The following PRKAR1A variants were observed in gnomAD, a reference collection of about 807,000 sequenced individuals.
PRKAR1A encodes cAMP-dependent protein kinase type I-alpha regulatory subunit.
Under a neutral mutation model 52.0 loss-of-function variants are expected in PRKAR1A, and 3 were observed. The observed-to-expected ratio is 0.06, with a 90% confidence interval of 0.03 to 0.15. The LOEUF is 0.15. Among genes scored for constraint, PRKAR1A ranks in the 10% least tolerant of loss-of-function variants. PRKAR1A has a pLI of 1.00. For missense variants in PRKAR1A, 240 were observed against 477.4 expected (o/e 0.50, Z 4.63); for synonymous variants, 188 against 168.4 (o/e 1.12, Z -0.90).
chr17:68,418,577 G>C, the PRKAR1A span, among the ~76,000 whole-genome samples: 1 of 152,226 alleles, frequency 6.6e-6, no homozygotes, highest in African/African-American at 2.4e-5. Context: ...TTTCTGGCCA[G>C]ATTGGACCAG....
At chr17:68,483,972 C>A in the PRKAR1A span, among the ~76,000 whole-genome samples, 88 of 152,204 alleles carry the variant, frequency 5.8e-4, no homozygotes, top group Middle Eastern at 6.8e-3. Flanking sequence ...TATGCCAATA[C>A]CATGTTGTTT....
intron 11 of PRKAR1A, chr17:68,541,089 A>G: frequency 7.1e-7 from 1 of 1,416,428 alleles, no homozygotes; most frequent in Non-Finnish European, 9.6e-7. Flanking sequence ...CAGCTTCTAA[A>G]ATTCAGAAAG....
At chr17:68,430,162 T>A in the PRKAR1A span, 1 of 1,611,286 alleles carries the variant, frequency 6.2e-7, no homozygotes, top group Non-Finnish European at 8.5e-7. Context: ...TCTGGTCGAC[T>A]AGGGAGTAAT....
the PRKAR1A span, among the ~76,000 whole-genome samples, chr17:68,495,684 A>G: frequency 6.6e-5 from 10 of 152,164 alleles, no homozygotes; most frequent in South Asian, 4.1e-4. Flanking sequence ...TATTTCTTCT[A>G]CTTATCTGTG....
the PRKAR1A span, among the ~76,000 whole-genome samples, chr17:68,490,963 G>A: frequency 6.6e-6 from 1 of 152,106 alleles, no homozygotes; most frequent in Non-Finnish European, 1.5e-5. Context: ...ATGGTAATCT[G>A]TTAGCCTGGG....
At chr17:68,453,840 C>T in the PRKAR1A span, among the ~76,000 whole-genome samples, 1 of 152,164 alleles carries the variant, frequency 6.6e-6, no homozygotes, top group Non-Finnish European at 1.5e-5. Flanking sequence ...TGCTTCCTTT[C>T]ATCAGTTTCC....
chr17:68,541,981 T>C (rs1298569805), intron 11 of PRKAR1A: 3 of 1,612,622 alleles, frequency 1.9e-6, no homozygotes, highest in Non-Finnish European at 1.7e-6. Flanking sequence ...GGGGACCAAC[T>C]CACTCCTCTT....
chr17:68,461,737 CA>C, the PRKAR1A span, among the ~76,000 whole-genome samples: 1 of 152,094 alleles, frequency 6.6e-6, no homozygotes, highest in East Asian at 1.9e-4. The surrounding 1 kb of genome is among the most constrained non-coding windows in gnomAD (Gnocchi z 4.6). Context: ...GGCCCTGGGA[CA>C]ATGGAGCCAA....
chr17:68,492,662 AC>A, the PRKAR1A span, among the ~76,000 whole-genome samples: 10 of 152,300 alleles, frequency 6.6e-5, no homozygotes, highest in African/African-American at 2.4e-4. Context: ...CAAGTATGCT[AC>A]TGGCGGTGAA....
the PRKAR1A span, among the ~76,000 whole-genome samples, chr17:68,434,054 G>T: frequency 2.0e-5 from 3 of 152,014 alleles, no homozygotes. Flanking sequence ...ACAGACGTGA[G>T]CCACCGCGCC....
chr17:68,539,699 G>C (rs1023693850), intron 11 of PRKAR1A, among the ~76,000 whole-genome samples: 2 of 152,364 alleles, frequency 1.3e-5, no homozygotes, highest in East Asian at 3.9e-4. Flanking sequence ...CAGGCTGGAG[G>C]AGGATCAAGT....
intron 11 of PRKAR1A, among the ~76,000 whole-genome samples, chr17:68,545,506 A>C (rs1600539283): frequency 6.6e-6 from 1 of 152,236 alleles, no homozygotes; most frequent in African/African-American, 2.4e-5. Flanking sequence ...AAAGCACTTT[A>C]TTGCTAAAAA....
At chr17:68,504,151 A>G in the PRKAR1A span, among the ~76,000 whole-genome samples, 1 of 152,324 alleles carries the variant, frequency 6.6e-6, no homozygotes, top group African/African-American at 2.4e-5. Flanking sequence ...AATGTCTGTC[A>G]ATAGATGAGT....
At chr17:68,430,905 C>T in the PRKAR1A span, among the ~76,000 whole-genome samples, 15 of 152,276 alleles carry the variant, frequency 9.9e-5, no homozygotes, top group East Asian at 1.4e-3. Context: ...GTGGGAAGCT[C>T]GCCCTGCAGC....
chr17:68,434,681 T>C, the PRKAR1A span: 2 of 1,585,558 alleles, frequency 1.3e-6, no homozygotes, highest in East Asian at 2.2e-5. Context: ...TACACAGAGA[T>C]GTCCCTTTAG....
chr17:68,448,717 C>A, the PRKAR1A span, among the ~76,000 whole-genome samples: 250 of 152,150 alleles, frequency 1.6e-3, 3 homozygotes, highest in African/African-American at 5.8e-3. Context: ...TCATCAGGTG[C>A]CAAAAACAGA....
intron 11 of PRKAR1A, chr17:68,543,873 G>A (rs1254753350): frequency 1.4e-6 from 1 of 726,984 alleles, no homozygotes; most frequent in Non-Finnish European, 2.4e-6. Context: ...GGAATGGCCT[G>A]TGGCTCCCTT....
At chr17:68,529,733 C>T (rs924007027) in intron 9 of PRKAR1A, among the ~76,000 whole-genome samples, 187 bp from the exon 10 acceptor site, 2 of 152,318 alleles carry the variant, frequency 1.3e-5, no homozygotes, top group African/African-American at 4.8e-5. Context: ...TAGCTTGATA[C>T]GAAGAACCTC....
At chr17:68,465,580 G>A in the PRKAR1A span, among the ~76,000 whole-genome samples, 31 of 149,868 alleles carry the variant, frequency 2.1e-4, 1 homozygote, top group African/African-American at 5.4e-4. Context: ...TCAACCTCTG[G>A]AGTAGTTGGG....
Sources: allele counts gnomAD v4.1 joint callset (sites outside exome capture counted in the v4.1 genomes callset), GRCh38; gene constraint gnomAD v4.1.1; non-coding constraint Gnocchi (gnomAD v3.1); transcripts MANE v1.5; gene names NCBI Gene and HGNC (gene_info 2026-07-23, HGNC 2026-07-21).